MRPS6: variants seen among roughly 807,000 people sequenced by gnomAD.
MRPS6 encodes mitochondrial ribosomal protein S6.
Under a neutral mutation model 13.1 loss-of-function variants are expected in MRPS6, and 6 were observed. The ratio of observed to expected loss-of-function variants is 0.46; its 90% CI spans 0.25 to 0.91. MRPS6 has a LOEUF of 0.91. MRPS6 is among the 40% of genes least tolerant of loss of function. The pLI is 0.18. For missense variants in MRPS6, 164 were observed against 155.6 expected, an observed-to-expected ratio of 1.05 and a Z score of -0.29; for synonymous variants, 61 against 56.5, an observed-to-expected ratio of 1.08 and a Z score of -0.36.
intron 2 of MRPS6, among the ~76,000 whole-genome samples, chr21:34,134,743 G>C (rs976183818): frequency 6.6e-6 from 1 of 152,050 alleles, no homozygotes; most frequent in Non-Finnish European, 1.5e-5. Flanking sequence ...AGTGATTGCA[G>C]ATGCAGTAGA....
chr21:34,134,978 G>A (rs62212135), intron 2 of MRPS6, among the ~76,000 whole-genome samples: 8,363 of 152,194 alleles, frequency 0.055, 276 homozygotes, highest in Middle Eastern at 0.12. Context: ...CGGGTTTATC[G>A]AAATGCGTAT....
intron 2 of MRPS6, among the ~76,000 whole-genome samples, chr21:34,139,303 T>A (rs906272812): frequency 2.6e-5 from 4 of 151,642 alleles, no homozygotes; most frequent in Non-Finnish European, 4.4e-5. Context: ...AACCTGCACA[T>A]TGTGCACATG....
chr21:34,077,571 TTA>T (rs532995311), intron 1 of MRPS6, among the ~76,000 whole-genome samples: 32 of 151,930 alleles, frequency 2.1e-4, no homozygotes, highest in African/African-American at 7.2e-4. Flanking sequence ...AAGATAGCAT[TTA>T]TATATATATA....
At position 34,125,441 on chromosome 21, in the gene MRPS6, A is replaced by G. The variant is rs1463836250; in HGVS notation, c.146A>G (p.Tyr49Cys). 1.2e-6 allele frequency: 2 copies of G among 1,614,082 alleles called. No individual in the cohort carries two copies. The highest frequency in any genetic ancestry group is 1.3e-5 in the African/African-American group (1 of 75,036). ...AACCTGGGTGAACGAGCGCTTCCTTATAGGATCTCTGCCCACAGTCAGCAG... is the reference window on the plus strand; with the variant it reads ...AACCTGGGTGAACGAGCGCTTCCTTGTAGGATCTCTGCCCACAGTCAGCAG... The part of the protein sequence containing the change: ...LENLGERALP[Y>C]RISAHSQQHN... Residue 49 changes from tyrosine (Y) to cysteine (C), a missense_variant, in exon 2 of 3, where the codon TAT becomes TGT. Coordinates refer to ENST00000399312, the MANE Select transcript of MRPS6 (RefSeq NM_032476.4).
intron 1 of MRPS6, among the ~76,000 whole-genome samples, chr21:34,118,185 AGG>A (rs1474192121): frequency 1.3e-5 from 2 of 152,282 alleles, no homozygotes; most frequent in East Asian, 3.9e-4. Context: ...TGAACAGTGT[AGG>A]GGTATGCATA....
chr21:34,141,506 G>A (rs886145497), intron 2 of MRPS6, among the ~76,000 whole-genome samples: 1 of 152,178 alleles, frequency 6.6e-6, no homozygotes, highest in African/African-American at 2.4e-5. Context: ...ACAAAGGCCT[G>A]GGAGGGGAAT....
Position 34,131,489 on chromosome 21 carries a change from T to C in MRPS6, c.185+6009T>C, listed in dbSNP as rs1980501030. Among the ~76,000 whole-genome samples, 3 of 152,208 alleles carry C rather than the reference T, an allele frequency of 2.0e-5. No individual in the cohort carries two copies. The South Asian group carries it at 6.2e-4, about 31-fold the overall frequency. ...TCTGATTGTTAGAATGGTTTCTCCATGGCAACCTTCATGAGGATGCAGGGA... is the reference window on the plus strand; with the variant it reads ...TCTGATTGTTAGAATGGTTTCTCCACGGCAACCTTCATGAGGATGCAGGGA... On this transcript the variant is annotated intron_variant, in intron 2 of 2. Transcript: ENST00000399312.
At chr21:34,117,719 A>C (rs1384936170) in intron 1 of MRPS6, among the ~76,000 whole-genome samples, 1 of 152,164 alleles carries the variant, frequency 6.6e-6, no homozygotes, top group Non-Finnish European at 1.5e-5. Flanking sequence ...TACCCGCAGA[A>C]TTTGGTCTGC....
chr21:34,127,330 G>A (rs936016480), intron 2 of MRPS6, among the ~76,000 whole-genome samples: 5 of 152,228 alleles, frequency 3.3e-5, no homozygotes, highest in African/African-American at 1.2e-4. Flanking sequence ...GTTTTTTAAA[G>A]TGTGGTCTCT....
chr21:34,076,179 T>C (rs752896967), intron 1 of MRPS6, among the ~76,000 whole-genome samples: 13 of 152,238 alleles, frequency 8.5e-5, no homozygotes, highest in Non-Finnish European at 1.8e-4. Context: ...TTCCAGCCTT[T>C]GGACTCCCAG....
Position 34,109,059 on chromosome 21 carries a change from A to G in MRPS6, c.46-16282A>G, listed in dbSNP as rs1043280920. On this transcript the variant is annotated intron_variant, in intron 1 of 2. Coordinates refer to ENST00000399312, the MANE Select transcript of MRPS6 (RefSeq NM_032476.4). ...GGCAGTTTCTAAACTTTATCTTCCA[A>G]CCCTTCTGTTGAAAAAGAATAAAAT... Among the ~76,000 whole-genome samples the G allele has an allele frequency of 3.1e-4, 47 of 151,850 alleles. 2 individuals are homozygous for G.
intron 1 of MRPS6, chr21:34,102,645 G>A: frequency 1.0e-6 from 1 of 1,000,096 alleles, no homozygotes; most frequent in Non-Finnish European, 1.2e-6. Flanking sequence ...TGGTTACCTG[G>A]GTTCACAGCT....
intron 2 of MRPS6, chr21:34,136,136 GTTTTTCTTTTCT>G (rs1300731578): frequency 1.7e-5 from 3 of 174,176 alleles, no homozygotes; most frequent in African/African-American, 7.2e-5. Flanking sequence ...TGGAGTGCCA[GTTTTTCTTTTCT>G]TTTTTCTTTT....
At chr21:34,133,709 C>T (rs1980588136) in intron 2 of MRPS6, among the ~76,000 whole-genome samples, 1 of 152,140 alleles carries the variant, frequency 6.6e-6, no homozygotes, top group South Asian at 2.1e-4. Flanking sequence ...CCTCCTGATG[C>T]ATGGCATTTC....
chr21:34,104,390 CTTGT>C (rs1301905693), intron 1 of MRPS6: 2 of 1,000,020 alleles, frequency 2.0e-6, no homozygotes, highest in African/African-American at 3.5e-5. Context: ...CTCCGAGTAG[CTTGT>C]TTATCAAGAA....
At chr21:34,106,624 A>G (rs577123188) in intron 1 of MRPS6, among the ~76,000 whole-genome samples, 56 of 152,334 alleles carry the variant, frequency 3.7e-4, no homozygotes, top group African/African-American at 8.7e-4. Context: ...TGGCTTTGCC[A>G]TTCTTCTGAA....
At chr21:34,104,153 A>G (rs1979371491) in intron 1 of MRPS6, 1 of 999,990 alleles carries the variant, frequency 1.0e-6, no homozygotes, top group Non-Finnish European at 1.2e-6. Flanking sequence ...ACTGTGCTTC[A>G]TTTTAATAAA....
chr21:34,096,737 T>C lies in MRPS6; in HGVS notation c.45+22992T>C, dbSNP rs1466630949. 6.2e-7 allele frequency: 1 copy of C among 1,614,120 alleles called. No individual in the cohort carries two copies. Among genetic ancestry groups the C allele is most frequent in the East Asian group, 2.2e-5 (1 of 44,872 alleles). On this transcript the variant is annotated intron_variant, in intron 1 of 2. Transcript: ENST00000399312. The surrounding 1 kb of genome is among the most constrained non-coding windows in gnomAD (Gnocchi z 5.9). ...TCATCAAAGACATCCATTATATGTA[T>C]GTGGCCACAGGATTGTTTTGGGTCA...
chr21:34,120,068 A>T (rs138679277), intron 1 of MRPS6, among the ~76,000 whole-genome samples: 51 of 152,334 alleles, frequency 3.3e-4, no homozygotes, highest in African/African-American at 1.2e-3. Context: ...AACAGCTGGT[A>T]CGTTAGCATG....
Sources: gnomAD v4.1 joint callset for allele counts (sites outside exome capture counted in the v4.1 genomes callset) on GRCh38, gnomAD v4.1.1 for gene constraint, Gnocchi (gnomAD v3.1) non-coding constraint, MANE v1.5 for transcripts, NCBI Gene and HGNC (gene_info 2026-07-23, HGNC 2026-07-21) for gene names.